The following MAP3K7 variants were observed in gnomAD, a reference collection of about 807,000 sequenced individuals.
The protein encoded by MAP3K7 is mitogen-activated protein kinase kinase kinase 7, also known as TGF-beta activated kinase 1.
Under a neutral mutation model 84.8 loss-of-function variants are expected in MAP3K7, and 21 were observed. The observed-to-expected ratio is 0.25, with a 90% CI of 0.18 to 0.36. The LOEUF (loss-of-function observed/expected upper bound fraction) is 0.36, where lower values mean the gene tolerates loss of function less well. Among genes scored for constraint, MAP3K7 ranks in the 10% least tolerant of loss-of-function variants. The pLI is 1.00. For missense variants in MAP3K7, 503 were observed against 747.7 expected, an observed-to-expected ratio of 0.67 and a Z score of 3.82; for synonymous variants, 241 against 247.7, an observed-to-expected ratio of 0.97 and a Z score of 0.25.
intron 12 of MAP3K7, 97 bp downstream of exon 12, chr6:90,544,455 T>C (rs1006684023): frequency 1.5e-5 from 15 of 1,021,748 alleles, no homozygotes; most frequent in East Asian, 9.6e-5. Context: ...TCCATTTTCA[T>C]GTCTTGTAAA....
intron 7 of MAP3K7, 42 bp downstream of exon 7, chr6:90,553,416 A>G (rs1295826400): frequency 6.3e-7 from 1 of 1,591,116 alleles, no homozygotes; most frequent in African/African-American, 1.4e-5. Flanking sequence ...TCCAAGTAGA[A>G]AACACAAAAA....
At chr6:90,538,821 A>C (rs377414547) in intron 12 of MAP3K7, among the ~76,000 whole-genome samples, 1 of 151,852 alleles carries the variant, frequency 6.6e-6, no homozygotes, top group African/African-American at 2.4e-5. Context: ...TAGGTCCCAG[A>C]CAGCCACTCC....
At chr6:90,557,749 G>A (rs1776379751) in intron 5 of MAP3K7, among the ~76,000 whole-genome samples, 1 of 152,036 alleles carries the variant, frequency 6.6e-6, no homozygotes, top group African/African-American at 2.4e-5. Context: ...TCCTTTACTC[G>A]ACTTCAAAAG....
At chr6:90,582,809 G>C (rs186416347) in intron 1 of MAP3K7, among the ~76,000 whole-genome samples, 2 of 151,040 alleles carry the variant, frequency 1.3e-5, no homozygotes, top group Admixed American at 1.3e-4. Flanking sequence ...TAACTGTTCT[G>C]TGTTTACTCC....
chr6:90,568,235 G>C (rs934847591), intron 3 of MAP3K7, among the ~76,000 whole-genome samples: 2 of 151,754 alleles, frequency 1.3e-5, no homozygotes, highest in African/African-American at 4.8e-5. Context: ...TCAAAAACAA[G>C]TAAGTAACTC....
chr6:90,561,264 G>C (rs935503381), intron 4 of MAP3K7, among the ~76,000 whole-genome samples: 2 of 151,568 alleles, frequency 1.3e-5, no homozygotes, highest in Admixed American at 1.3e-4. Flanking sequence ...ATAAAGCAGA[G>C]TGAAATCGAA....
Position 90,568,337 on chromosome 6 carries a change from T to C in MAP3K7, c.297+221A>G, listed in dbSNP as rs34211729. ...CTATTTAGAGTGTGTTGGTGACATA[T>C]TGTGCGTGTATAATAGCCACATGTA... On this transcript the variant is annotated intron_variant, in intron 3 of 16. Transcript: ENST00000369329. Among the ~76,000 whole-genome samples the C allele has an allele frequency of 4.8e-3, 731 of 152,272 alleles. No individual in the cohort carries two copies. Among genetic ancestry groups the C allele is most frequent in the Non-Finnish European group, 7.7e-3 (521 of 68,014 alleles).
chr6:90,568,329 G>T (rs1244374752), intron 3 of MAP3K7, among the ~76,000 whole-genome samples: 1 of 152,116 alleles, frequency 6.6e-6, no homozygotes, highest in Non-Finnish European at 1.5e-5. Flanking sequence ...GAGTGTGTTG[G>T]TGACATATTG....
chr6:90,531,956 G>GAA (rs796192167), intron 13 of MAP3K7, among the ~76,000 whole-genome samples: 26 of 118,508 alleles, frequency 2.2e-4, no homozygotes, highest in African/African-American at 7.2e-4. Context: ...CTGTGTCTCG[G>GAA]AAAAAAAAAA....
rs1324729597 is a variant in MAP3K7 at position 90,518,554 on chromosome 6, T to A, written c.1533A>T (p.Ala511=). ...TAGATTCTTTGGAGTTTGGGCACGGTGCTAGAGGCTGAAAATAATCAGGAA... is the reference window on the plus strand; with the variant it reads ...TAGATTCTTTGGAGTTTGGGCACGGAGCTAGAGGCTGAAAATAATCAGGAA... ...LTLDHQLQPL[A]PCPNSKESMA... Residue 511 remains alanine (A), a synonymous_variant, in exon 16 of 17, where the codon GCA becomes GCT. Coordinates refer to ENST00000369329, the MANE Select transcript of MAP3K7 (RefSeq NM_145331.3). 1 of 1,549,518 alleles carries A rather than the reference T, an allele frequency of 6.5e-7. No individual in the cohort carries two copies. The highest frequency in any genetic ancestry group is 8.9e-7 in the Non-Finnish European group (1 of 1,124,320).
intron 1 of MAP3K7, among the ~76,000 whole-genome samples, chr6:90,577,872 T>C (rs145066299): frequency 2.4e-4 from 37 of 152,320 alleles, no homozygotes; most frequent in Middle Eastern, 3.4e-3. Flanking sequence ...CATTCAAGGC[T>C]AATCCATTAA....
At chr6:90,548,735 T>A (rs962123015) in intron 9 of MAP3K7, among the ~76,000 whole-genome samples, 1 of 148,484 alleles carries the variant, frequency 6.7e-6, no homozygotes, top group African/African-American at 2.5e-5. Flanking sequence ...AGATGAGGAA[T>A]AACCAGCAAA....
At chr6:90,530,458 T>C (rs1029780422) in intron 13 of MAP3K7, among the ~76,000 whole-genome samples, 2 of 152,210 alleles carry the variant, frequency 1.3e-5, no homozygotes, top group African/African-American at 4.8e-5. Context: ...ACCTTTCTTT[T>C]CACCTTCTAC....
chr6:90,573,969 T>C (rs9342231), intron 1 of MAP3K7, among the ~76,000 whole-genome samples: 5,708 of 152,298 alleles, frequency 0.037, 130 homozygotes, highest in African/African-American at 0.058. Flanking sequence ...AGTTACTTTA[T>C]TGTGAATAGA....
chr6:90,584,961 C>T lies in MAP3K7; in HGVS notation c.120+1803G>A, dbSNP rs571290082. Among the ~76,000 whole-genome samples the T allele has an allele frequency of 2.0e-5, 3 of 152,138 alleles. No homozygotes were observed. In the East Asian group the frequency reaches 5.8e-4, roughly 29 times the overall value. On this transcript the variant is annotated intron_variant, in intron 1 of 16. Transcript: ENST00000369329. ...AATGTAAAAAAAAAGAAACTAAAAA[C>T]ATTTCCCCCTCTTTTCAAAATACAG...
intron 13 of MAP3K7, among the ~76,000 whole-genome samples, chr6:90,528,604 T>TA (rs1318484980): frequency 6.6e-6 from 1 of 152,210 alleles, no homozygotes; most frequent in East Asian, 1.9e-4. Flanking sequence ...TTTCTGTTTT[T>TA]TTAAAAATAA....
At chr6:90,578,141 T>C (rs770895876) in intron 1 of MAP3K7, among the ~76,000 whole-genome samples, 3 of 152,254 alleles carry the variant, frequency 2.0e-5, no homozygotes, top group Non-Finnish European at 1.5e-5. Context: ...CAAGATTAAA[T>C]GCTTTTCTCT....
At position 90,540,286 on chromosome 6, in the gene MAP3K7, G is replaced by A. The variant is rs113090751; in HGVS notation, c.1292-3885C>T. 2.2e-3 allele frequency among the ~76,000 whole-genome samples: 334 copies of A among 151,752 alleles called. 1 individual carries two copies. The highest frequency in any genetic ancestry group is 7.6e-3 in the African/African-American group (313 of 41,450). On this transcript the variant is annotated intron_variant, in intron 12 of 16. Coordinates refer to ENST00000369329, the MANE Select transcript of MAP3K7 (RefSeq NM_145331.3). ...TATTTTAGGCTTAGAAATAACAAAA[G>A]GTACACTAAAGCAACACTGTTCAAG...
intron 12 of MAP3K7, chr6:90,542,185 T>C (rs1582187900): frequency 1.1e-6 from 1 of 944,906 alleles, no homozygotes; most frequent in Non-Finnish European, 1.3e-6. Context: ...TAAAATGTCA[T>C]GTAGGAAATT....
Sources: gnomAD v4.1 joint callset for allele counts (sites outside exome capture counted in the v4.1 genomes callset) on GRCh38, gnomAD v4.1.1 for gene constraint, MANE v1.5 for transcripts, NCBI Gene and HGNC (gene_info 2026-07-23, HGNC 2026-07-21) for gene names.